Variants in RAB37 observed in about 807,000 individuals in gnomAD.
The protein encoded by RAB37 is ras-related protein Rab-37.
In RAB37, 29 loss-of-function variants were observed where a neutral mutation model predicts 33.1. The observed-to-expected ratio is 0.88, with a 90% confidence interval of 0.65 to 1.20. The LOEUF is 1.20. RAB37 is among the 50% of genes most tolerant of loss of function. RAB37 has a pLI of 0.00. For synonymous variants in RAB37, 128 were observed against 119.5 expected (o/e 1.07, Z -0.47); for missense variants, 299 against 301.1 (o/e 0.99, Z 0.05).
intron 1 of RAB37, among the ~76,000 whole-genome samples, chr17:74,675,005 T>G (rs1465761219): frequency 2.6e-5 from 4 of 152,248 alleles, no homozygotes; most frequent in Non-Finnish European, 5.9e-5. Context: ...AACCTTGATG[T>G]GACTTTGAGC....
chr17:74,719,491 A>G (rs2034210590), intron 1 of RAB37, among the ~76,000 whole-genome samples: 1 of 152,218 alleles, frequency 6.6e-6, no homozygotes, highest in Middle Eastern at 3.4e-3. Context: ...TTTGCTCACA[A>G]TTACCTTTCT....
At chr17:74,740,968 TC>T in intron 2 of RAB37, 90 bp downstream of exon 2, 1 of 911,566 alleles carries the variant, frequency 1.1e-6, no homozygotes, top group Non-Finnish European at 1.8e-6. Flanking sequence ...TCACCCTGGC[TC>T]CCAGGGACTC....
chr17:74,675,732 A>G (rs2031815847), intron 1 of RAB37, among the ~76,000 whole-genome samples: 1 of 152,206 alleles, frequency 6.6e-6, no homozygotes, highest in Admixed American at 6.5e-5. Context: ...GATGAAATTC[A>G]TTTATATGAA....
intron 1 of RAB37, among the ~76,000 whole-genome samples, chr17:74,697,282 G>A (rs1223957334): frequency 6.6e-6 from 1 of 152,046 alleles, no homozygotes; most frequent in Admixed American, 6.6e-5. Context: ...CCGATTTTCA[G>A]GTGGTTGCTG....
chr17:74,714,591 C>A (rs1163226095), intron 1 of RAB37, among the ~76,000 whole-genome samples: 1 of 152,130 alleles, frequency 6.6e-6, no homozygotes, highest in Non-Finnish European at 1.5e-5. Flanking sequence ...CTGGAATCTT[C>A]CAGAAACCTG....
At chr17:74,693,928 C>CA (rs901064504) in intron 1 of RAB37, among the ~76,000 whole-genome samples, 111 of 140,446 alleles carry the variant, frequency 7.9e-4, no homozygotes, top group East Asian at 1.4e-3. Context: ...GACTCTTTCT[C>CA]AAAAAAAAAA....
intron 1 of RAB37, chr17:74,677,397 T>G (rs544704901): frequency 1.1e-4 from 17 of 151,848 alleles, no homozygotes; most frequent in African/African-American, 3.9e-4. Context: ...GGTGCTTCTT[T>G]TATTTTTTTT....
intron 1 of RAB37, chr17:74,704,289 C>T: frequency 3.4e-6 from 2 of 589,706 alleles, no homozygotes; most frequent in Admixed American, 6.1e-5. Flanking sequence ...GTGGAGGGAG[C>T]CCTGGGAGCC....
At chr17:74,713,131 C>T (rs959744780) in intron 1 of RAB37, among the ~76,000 whole-genome samples, 1 of 151,726 alleles carries the variant, frequency 6.6e-6, no homozygotes, top group Non-Finnish European at 1.5e-5. Context: ...ATAGTGAAAC[C>T]CCGTCTCTAC....
intron 1 of RAB37, among the ~76,000 whole-genome samples, chr17:74,701,326 CT>C (rs1170401386): frequency 2.0e-5 from 3 of 152,156 alleles, no homozygotes; most frequent in African/African-American, 2.4e-5. Flanking sequence ...TTCTTGTACC[CT>C]TTTTAATTCC....
Position 74,744,864 on chromosome 17 carries a change from G to A in RAB37, c.433-9G>A, listed in dbSNP as rs1426266624. On this transcript the variant is annotated splice_polypyrimidine_tract_variant and intron_variant, in intron 6 of 8. Transcript: ENST00000392613. This position sits in a 1 kb window ranked among gnomAD's most constrained non-coding sequence, Gnocchi z 4.2. ...TCCTTCCCCAGAGTGACCCATTTGG[G>A]CTTGACAGGCGGATATGAGCAGCGA... is the stretch of plus-strand genomic sequence containing the variant. The A allele has an allele frequency of 7.4e-6, 12 of 1,614,278 alleles. No individual in the cohort carries two copies. Among genetic ancestry groups the A allele is most frequent in the Non-Finnish European group, 1.0e-5 (12 of 1,180,044 alleles).
chr17:74,737,461 G>GC (rs1375927516), intron 1 of RAB37, 96 bp downstream of exon 1: 1 of 1,335,780 alleles, frequency 7.5e-7, no homozygotes, highest in Non-Finnish European at 1.0e-6. Flanking sequence ...CCAGGCAGCT[G>GC]CGTCTCCCAG....
At chr17:74,701,586 G>A (rs373112234) in intron 1 of RAB37, among the ~76,000 whole-genome samples, 15 of 152,178 alleles carry the variant, frequency 9.9e-5, no homozygotes, top group African/African-American at 3.6e-4. Context: ...GACAAAGCAA[G>A]GTGGCTTATG....
intron 1 of RAB37, among the ~76,000 whole-genome samples, chr17:74,696,031 G>A (rs995926741): frequency 6.6e-6 from 1 of 152,112 alleles, no homozygotes; most frequent in Admixed American, 6.5e-5. Flanking sequence ...TTGTCCCCCT[G>A]GCTGTTTCCA....
intron 1 of RAB37, chr17:74,704,836 G>A: frequency 6.3e-7 from 1 of 1,588,970 alleles, no homozygotes. Context: ...ACAAATTCAT[G>A]TGCTGTCACC....
chr17:74,741,447 G>A (rs1027413919), intron 2 of RAB37, among the ~76,000 whole-genome samples: 1 of 152,162 alleles, frequency 6.6e-6, no homozygotes, highest in Non-Finnish European at 1.5e-5. Context: ...TTAGCCAGGT[G>A]TAGTGGCACG....
intron 1 of RAB37, among the ~76,000 whole-genome samples, chr17:74,685,861 C>T (rs776400264): frequency 3.3e-5 from 5 of 152,202 alleles, no homozygotes; most frequent in East Asian, 1.9e-4. Flanking sequence ...CAAGACCCTG[C>T]GTGCAGAGCT....
intron 1 of RAB37, among the ~76,000 whole-genome samples, chr17:74,713,254 G>A (rs945443062): frequency 3.3e-5 from 5 of 149,942 alleles, no homozygotes; most frequent in African/African-American, 4.9e-5. Context: ...GTAGTGAGCC[G>A]AGATCGTGCC....
intron 1 of RAB37, among the ~76,000 whole-genome samples, chr17:74,678,624 C>T (rs2031890853): frequency 6.6e-6 from 1 of 152,100 alleles, no homozygotes; most frequent in Non-Finnish European, 1.5e-5. Context: ...TGCTTAAGTT[C>T]AAATTTTCTC....
Sources: gnomAD v4.1 joint callset for allele counts (sites outside exome capture counted in the v4.1 genomes callset) on GRCh38, gnomAD v4.1.1 for gene constraint, Gnocchi (gnomAD v3.1) non-coding constraint, MANE v1.5 for transcripts, NCBI Gene and HGNC (gene_info 2026-07-23, HGNC 2026-07-21) for gene names.